Variants in DCC observed in about 807,000 individuals in gnomAD.
DCC encodes netrin receptor DCC.
In DCC, 58 loss-of-function variants were observed where a neutral mutation model predicts 172.5. The observed-to-expected ratio is 0.34, with a 90% CI of 0.27 to 0.42. The LOEUF (loss-of-function observed/expected upper bound fraction) is 0.42. DCC is among the 10% of genes least tolerant of loss of function. The pLI, the probability that DCC is intolerant of heterozygous loss-of-function variation, is 1.00. For synonymous variants in DCC, 709 were observed against 644.5 expected (o/e 1.10, Z -1.52); for missense variants, 1,740 against 1,791.0 (o/e 0.97, Z 0.51).
At chr18:53,515,214 A>G (rs1055906254) in intron 27 of DCC, among the ~76,000 whole-genome samples, 226 of 152,162 alleles carry the variant, frequency 1.5e-3, no homozygotes, top group African/African-American at 5.1e-3. Context: ...GATTATCTCA[A>G]TAGATGCAGA....
intron 1 of DCC, among the ~76,000 whole-genome samples, chr18:52,626,019 CT>C (rs2034567111): frequency 6.6e-6 from 1 of 152,122 alleles, no homozygotes; most frequent in South Asian, 2.1e-4. Context: ...GGGTCCTCTT[CT>C]TTTCTCAATG....
chr18:53,455,860 T>A (rs1439794383), intron 23 of DCC, among the ~76,000 whole-genome samples: 1 of 152,272 alleles, frequency 6.6e-6, no homozygotes, highest in Non-Finnish European at 1.5e-5. Context: ...AATCATTTTT[T>A]AAGCTTTCAA....
At chr18:52,898,505 C>T (rs957586423) in intron 2 of DCC, among the ~76,000 whole-genome samples, 3 of 151,984 alleles carry the variant, frequency 2.0e-5, no homozygotes, top group East Asian at 1.9e-4. Flanking sequence ...GAGTACATGT[C>T]GAAAATATTC....
chr18:52,457,908 C>A (rs998130181), intron 1 of DCC, among the ~76,000 whole-genome samples: 2 of 64,782 alleles, frequency 3.1e-5, no homozygotes, highest in Non-Finnish European at 2.6e-5. Flanking sequence ...AACAAGCAAG[C>A]AAGCAAACAA....
chr18:52,610,382 C>CAAAAAAAAAA (rs55715009), intron 1 of DCC, among the ~76,000 whole-genome samples: 7 of 49,968 alleles, frequency 1.4e-4, no homozygotes, highest in Non-Finnish European at 1.8e-4. Context: ...TCTGTCTCAA[C>CAAAAAAAAAA]AAAAAAAAAA....
chr18:53,470,503 ATTATCT>A (rs1353869682), intron 25 of DCC, among the ~76,000 whole-genome samples: 1 of 152,088 alleles, frequency 6.6e-6, no homozygotes, highest in Admixed American at 6.6e-5. Flanking sequence ...ACATTTTCAG[ATTATCT>A]TTATAGCAGT....
intron 12 of DCC, among the ~76,000 whole-genome samples, chr18:53,234,423 G>A (rs1420160340): frequency 3.3e-5 from 5 of 151,484 alleles, no homozygotes; most frequent in African/African-American, 4.9e-5. Flanking sequence ...GTAAGACCCT[G>A]TCTCAAATTA....
intron 22 of DCC, among the ~76,000 whole-genome samples, chr18:53,448,095 C>G (rs192056642): frequency 7.9e-6 from 1 of 125,886 alleles, no homozygotes; most frequent in African/African-American, 3.0e-5. Flanking sequence ...TCTTAGGCAA[C>G]TTGTCAAAAG....
Position 52,923,781 on chromosome 18 carries a change from G to A in DCC, c.772G>A (p.Val258Ile), listed in dbSNP as rs537417676. 1 of 1,612,640 alleles carries A rather than the reference G, an allele frequency of 6.2e-7. No homozygotes were observed. The highest frequency in any genetic ancestry group is 8.5e-7 in the Non-Finnish European group (1 of 1,178,858). ...NVVAIEGKDA[V>I]LECCVSGYPP... Reference sequence around the variant, plus strand: ...AGTAGCCATTGAAGGAAAAGATGCTGTCCTGGAATGTTGTGTTTCTGGCTA... The same window carrying A: ...AGTAGCCATTGAAGGAAAAGATGCTATCCTGGAATGTTGTGTTTCTGGCTA... The change falls in exon 4 of 29, where the codon GTC becomes ATC. Residue 258 changes from valine (V) to isoleucine (I), a missense_variant. Physicochemically the swap from Val to Ile is conservative, Grantham distance 29. This residue lies in a region of DCC where 1,732 missense variants were observed against 1,767.4 expected (regional missense o/e 0.98). Transcript: ENST00000442544.
chr18:53,474,120 A>G (rs2145195560), intron 25 of DCC, among the ~76,000 whole-genome samples: 1 of 152,292 alleles, frequency 6.6e-6, no homozygotes, highest in African/African-American at 2.4e-5. Flanking sequence ...CAGCAATTCC[A>G]TTCCTAGATA....
At chr18:53,211,729 T>C (rs2055756198) in intron 11 of DCC, among the ~76,000 whole-genome samples, 1 of 150,690 alleles carries the variant, frequency 6.6e-6, no homozygotes, top group Non-Finnish European at 1.5e-5. Flanking sequence ...GTCTCAAAAA[T>C]AAAATAAAAT....
intron 12 of DCC, among the ~76,000 whole-genome samples, chr18:53,233,379 G>A (rs559680601): frequency 3.9e-5 from 6 of 152,004 alleles, no homozygotes; most frequent in Non-Finnish European, 8.8e-5. Flanking sequence ...TAATATGCAG[G>A]GATAGATCTA....
intron 2 of DCC, among the ~76,000 whole-genome samples, chr18:52,771,000 C>A (rs753948315): frequency 1.4e-4 from 21 of 152,198 alleles, no homozygotes; most frequent in Non-Finnish European, 2.5e-4. Flanking sequence ...TCCCACTGGG[C>A]CTCCACAGGG....
chr18:52,637,290 T>G (rs1229090669), intron 1 of DCC, among the ~76,000 whole-genome samples: 1 of 152,042 alleles, frequency 6.6e-6, no homozygotes, highest in Non-Finnish European at 1.5e-5. Flanking sequence ...TCACACTAGT[T>G]CACCAGCAAT....
intron 9 of DCC, 34 bp from the exon 10 acceptor site, chr18:53,205,182 C>G (rs745563157): frequency 1.3e-6 from 2 of 1,586,032 alleles, no homozygotes; most frequent in Admixed American, 1.7e-5. Flanking sequence ...ATCCTAATCA[C>G]TTTTCTTTCT....
chr18:53,251,822 T>C (rs1249984416), intron 12 of DCC, among the ~76,000 whole-genome samples: 1 of 151,940 alleles, frequency 6.6e-6, no homozygotes, highest in African/African-American at 2.4e-5. Context: ...ACTTGTCATC[T>C]TCAGTATATT....
chr18:53,507,916 T>C (rs1276328201), intron 27 of DCC, among the ~76,000 whole-genome samples: 1 of 146,356 alleles, frequency 6.8e-6, no homozygotes, highest in African/African-American at 2.6e-5. Flanking sequence ...TTTTTTGAGA[T>C]GGAGTCTCGC....
chr18:52,728,842 A>G (rs1009250129), intron 1 of DCC, among the ~76,000 whole-genome samples: 1 of 152,296 alleles, frequency 6.6e-6, no homozygotes, highest in African/African-American at 2.4e-5. Flanking sequence ...TGCATCCTTC[A>G]TGCAAACAAG....
chr18:52,863,764 A>G (rs1347214059), intron 2 of DCC, among the ~76,000 whole-genome samples: 1 of 151,996 alleles, frequency 6.6e-6, no homozygotes, highest in Admixed American at 6.6e-5. Context: ...TAAATTTCAT[A>G]AGACAAATCT....
Sources: gnomAD v4.1 joint callset for allele counts (sites outside exome capture counted in the v4.1 genomes callset) on GRCh38, gnomAD v4.1.1 for gene constraint, gnomAD v4.1.1 regional missense constraint, MANE v1.5 for transcripts, NCBI Gene and HGNC (gene_info 2026-07-23, HGNC 2026-07-21) for gene names.